DNAH17: variants seen among roughly 807,000 people sequenced by gnomAD.
The protein encoded by DNAH17 is dynein axonemal heavy chain 17, also known as axonemal beta dynein heavy chain 17.
Under a neutral mutation model 485.6 loss-of-function variants are expected in DNAH17, and 376 were observed. The observed-to-expected ratio is 0.77, with a 90% confidence interval of 0.71 to 0.84. The LOEUF is 0.84. Ranked by LOEUF, DNAH17 falls within the 40% of genes least tolerant of loss-of-function variation. The pLI is 0.00. For missense variants in DNAH17, 6,370 were observed against 5,839.3 expected (o/e 1.09, Z -2.96); for synonymous variants, 3,031 against 2,405.9 (o/e 1.26, Z -7.60).
At chr17:78,478,476 C>T (rs1026167381) in intron 51 of DNAH17, among the ~76,000 whole-genome samples, 1 of 150,768 alleles carries the variant, frequency 6.6e-6, no homozygotes, top group African/African-American at 2.4e-5. Context: ...GCCATCATCA[C>T]CACCATCACT....
intron 60 of DNAH17, among the ~76,000 whole-genome samples, 193 bp from the exon 61 acceptor site, chr17:78,459,401 T>C (rs1355778313): frequency 6.6e-6 from 1 of 152,166 alleles, no homozygotes; most frequent in African/African-American, 2.4e-5. Context: ...CACAGTGGCA[T>C]TGCCCAGTTT....
intron 37 of DNAH17, 50 bp downstream of exon 37, chr17:78,498,958 A>ACGAGCCAGTCACCCGACGTGACCC: frequency 7.0e-7 from 1 of 1,428,482 alleles, no homozygotes; most frequent in Non-Finnish European, 9.5e-7. Flanking sequence ...AGGAAAGCTG[A>ACGAGCCAGTCACCCGACGTGACCC]CGAGCCAGTC....
In DNAH17 at chr17:78,514,878, C is replaced by T. The variant is rs775899649; in HGVS notation, c.4009G>A (p.Asp1337Asn). The T allele has an allele frequency of 8.1e-6, 13 of 1,613,914 alleles. No individual in the cohort carries two copies. Among genetic ancestry groups the T allele is most frequent in the African/African-American group, 2.7e-5 (2 of 74,926 alleles). Reference protein sequence around the residue: ...MKTWDAFVGLDNTVKNVITSL... With the variant: ...MKTWDAFVGLNNTVKNVITSL... ...GTGATCACGTTTTTCACGGTGTTGTCGAGCCCCACGAAGGCATCCCAGGTT... is the reference window on the plus strand; with the variant it reads ...GTGATCACGTTTTTCACGGTGTTGTTGAGCCCCACGAAGGCATCCCAGGTT... The change falls in exon 26 of 81, where the codon GAC becomes AAC. Residue 1337 changes from aspartate to asparagine, a missense_variant. Physicochemically the swap from Asp to Asn is conservative, Grantham distance 23. Coordinates refer to ENST00000389840, the MANE Select transcript of DNAH17 (RefSeq NM_173628.4).
intron 44 of DNAH17, among the ~76,000 whole-genome samples, chr17:78,487,081 G>A (rs1389547770): frequency 6.7e-6 from 1 of 148,920 alleles, no homozygotes; most frequent in South Asian, 2.2e-4. Context: ...AGCAATCCTT[G>A]AAGAGCCGTG....
chr17:78,441,657 C>T (rs556871003), intron 71 of DNAH17, among the ~76,000 whole-genome samples: 2 of 152,196 alleles, frequency 1.3e-5, no homozygotes, highest in Non-Finnish European at 2.9e-5. Context: ...TGGGGTCAGT[C>T]GGGGTCTCGG....
intron 31 of DNAH17, among the ~76,000 whole-genome samples, chr17:78,503,982 A>G (rs1487186617): frequency 8.7e-6 from 1 of 114,948 alleles, no homozygotes; most frequent in African/African-American, 3.6e-5. Flanking sequence ...CAAACAAACA[A>G]ACAAAAAACA....
chr17:78,508,955 T>C (rs7223772), intron 27 of DNAH17, among the ~76,000 whole-genome samples: 89,283 of 145,326 alleles, frequency 0.61, 28,108 homozygotes, highest in African/African-American at 0.72. Flanking sequence ...GTGTGTGTCA[T>C]CATGTGCCCA....
intron 24 of DNAH17, among the ~76,000 whole-genome samples, chr17:78,525,719 G>A (rs892367608): frequency 2.0e-5 from 3 of 152,236 alleles, no homozygotes; most frequent in Admixed American, 6.5e-5. Flanking sequence ...GTCACCAGCT[G>A]GAGCTCCACA....
chr17:78,436,829 A>C (rs2086862913), intron 74 of DNAH17, among the ~76,000 whole-genome samples: 1 of 146,826 alleles, frequency 6.8e-6, no homozygotes, highest in African/African-American at 2.5e-5. Flanking sequence ...TGGGTGACAG[A>C]GTGAGACTCC....
intron 1 of DNAH17, among the ~76,000 whole-genome samples, chr17:78,576,605 G>A (rs914447763): frequency 1.7e-4 from 26 of 152,102 alleles, no homozygotes; most frequent in Non-Finnish European, 2.4e-4. Context: ...GCGTCACGTC[G>A]TCATTTCCTA....
chr17:78,526,568 G>T (rs2091080114), intron 24 of DNAH17, 83 bp downstream of exon 24: 3 of 1,244,232 alleles, frequency 2.4e-6, no homozygotes, highest in South Asian at 3.0e-5. Flanking sequence ...CACGTTTCTG[G>T]ACTTGAAAGG....
chr17:78,528,632 C>T (rs2091142070), intron 22 of DNAH17, among the ~76,000 whole-genome samples: 1 of 152,014 alleles, frequency 6.6e-6, no homozygotes, highest in South Asian at 2.1e-4. Context: ...AACTCCAGGC[C>T]AGACTCAAGA....
At position 78,530,509 on chromosome 17, in the gene DNAH17, C is replaced by T. The variant is rs760909432; in HGVS notation, c.3118G>A (p.Asp1040Asn). ...TCCTCATACAGCTTCTCGTAGGAGT[C>T]GATCTGGAAAACACGGCCACCGGCG... is the stretch of plus-strand genomic sequence containing the variant. ...PTLAQFQEQIDSYEKLYEEVS... is the reference protein window; with the variant it reads ...PTLAQFQEQINSYEKLYEEVS... The change falls in exon 21 of 81, where the codon GAC becomes AAC. Residue 1040 changes from aspartate (D) to asparagine (N), a missense_variant. By Grantham distance (23) the Asp-to-Asn change is conservative (BLOSUM62 1). Transcript: ENST00000389840. 14 of 1,601,834 alleles carry T rather than the reference C, an allele frequency of 8.7e-6. No individual in the cohort carries two copies. Among genetic ancestry groups the T allele is most frequent in the Admixed American group, 6.7e-5 (4 of 59,426 alleles).
chr17:78,432,976 C>T (rs114584196), intron 75 of DNAH17, among the ~76,000 whole-genome samples: 305 of 151,330 alleles, frequency 2.0e-3, no homozygotes, highest in African/African-American at 6.1e-3. Context: ...TCCTCCAACC[C>T]CGAGGCCCCA....
chr17:78,571,083 CAG>C (rs1331639092), intron 5 of DNAH17, 50 bp from the exon 6 acceptor site: 2 of 1,513,522 alleles, frequency 1.3e-6, no homozygotes, highest in African/African-American at 2.8e-5. Context: ...AGAAATTGCT[CAG>C]AAACGATGAG....
At chr17:78,465,476 G>A (rs564280202) in intron 56 of DNAH17, among the ~76,000 whole-genome samples, 2 of 139,214 alleles carry the variant, frequency 1.4e-5, no homozygotes, top group African/African-American at 5.2e-5. Flanking sequence ...ATCCCACCTA[G>A]GAAGTGAGGA....
intron 45 of DNAH17, 37 bp from the exon 46 acceptor site, chr17:78,486,170 A>T: frequency 6.2e-7 from 1 of 1,604,014 alleles, no homozygotes; most frequent in Non-Finnish European, 8.5e-7. Context: ...GGGCCCAGCT[A>T]AGCAGGATGC....
rs201432356 is a variant in DNAH17 at position 78,426,463 on chromosome 17, G to A, written c.12909C>T (p.Arg4303=). 133 of 1,600,828 alleles carry A rather than the reference G, an allele frequency of 8.3e-5. 1 individual carries two copies. The highest frequency in any genetic ancestry group is 1.7e-4 in the Middle Eastern group (1 of 5,998). ...CAGAGAAAACGGCACTTACCCTGATGCGGAGCAGCAGGTCTGCGTACCAGG... is the reference window on the plus strand; with the variant it reads ...CAGAGAAAACGGCACTTACCCTGATACGGAGCAGCAGGTCTGCGTACCAGG... The part of the protein sequence containing the change: ...LAAWYADLLL[R]IRELEAWTTD... The change falls in exon 79 of 81, where the codon CGC becomes CGT. Residue 4303 remains arginine (R), a synonymous_variant. Coordinates refer to ENST00000389840, the MANE Select transcript of DNAH17 (RefSeq NM_173628.4).
At chr17:78,537,809 C>T (rs973678588) in intron 18 of DNAH17, among the ~76,000 whole-genome samples, 1 of 152,154 alleles carries the variant, frequency 6.6e-6, no homozygotes, top group African/African-American at 2.4e-5. Context: ...CCAGTTTCCC[C>T]AAATATATAA....
Sources: allele counts gnomAD v4.1 joint callset (sites outside exome capture counted in the v4.1 genomes callset), GRCh38; gene constraint gnomAD v4.1.1; transcripts MANE v1.5; gene names NCBI Gene and HGNC (gene_info 2026-07-23, HGNC 2026-07-21).